LRRC8A: variants seen among roughly 807,000 people sequenced by gnomAD.
LRRC8A encodes the protein leucine rich repeat containing 8 VRAC subunit A, also known as volume-regulated anion channel subunit LRRC8A.
In LRRC8A, 24 loss-of-function variants were observed where a neutral mutation model predicts 52.5. The ratio of observed to expected loss-of-function variants is 0.46; its 90% CI spans 0.33 to 0.64. The LOEUF (loss-of-function observed/expected upper bound fraction) is 0.64. Among genes scored for constraint, LRRC8A ranks in the 30% least tolerant of loss-of-function variants. The pLI is 0.02. For synonymous variants in LRRC8A, 492 were observed against 494.2 expected (o/e 1.00, Z 0.06); for missense variants, 677 against 1,094.7 (o/e 0.62, Z 5.38).
chr9:128,916,521 G>C lies in LRRC8A; in HGVS notation c.*150G>C. On this transcript the variant is annotated 3_prime_UTR_variant, in exon 4 of 4. Coordinates refer to ENST00000372600, the MANE Select transcript of LRRC8A (RefSeq NM_019594.4). The surrounding 1 kb of genome is among the most constrained non-coding windows in gnomAD (Gnocchi z 6.1). ...GGGGCCGCTTGTGAGTCAGGCCAGAGCGAGAGGACAGTATCTGTGGGGCTG... is the reference window on the plus strand; with the variant it reads ...GGGGCCGCTTGTGAGTCAGGCCAGACCGAGAGGACAGTATCTGTGGGGCTG... The C allele has an allele frequency of 1.0e-6, 1 of 969,178 alleles. No individual in the cohort carries two copies. Among genetic ancestry groups the C allele is most frequent in the Non-Finnish European group, 1.5e-6 (1 of 673,748 alleles). The allele number at this position is 969,178 out of a possible 1,614,324, so 60.0% of individuals were successfully genotyped here.
rs754407509 is a variant in LRRC8A at position 128,907,791 on chromosome 9, G to A, written c.627G>A (p.Val209=). The change falls in exon 3 of 4, where the codon GTG becomes GTA. Residue 209 remains valine, a synonymous_variant. Coordinates refer to ENST00000372600, the MANE Select transcript of LRRC8A (RefSeq NM_019594.4). The surrounding 1 kb of genome is among the most constrained non-coding windows in gnomAD (Gnocchi z 9.3). ...STVSEDVEAT[V]PMLQRTKSRI... is the part of the protein sequence containing the mutation. The stretch of plus-strand genomic sequence containing the variant: ...TCAGTGAGGACGTGGAGGCCACCGT[G>A]CCCATGCTGCAGCGGACCAAGTCAC... The A allele has an allele frequency of 1.2e-6, 2 of 1,613,976 alleles. No individual in the cohort carries two copies. The highest frequency in any genetic ancestry group is 1.7e-6 in the Non-Finnish European group (2 of 1,179,970).
chr9:128,908,127 G>T lies in LRRC8A; in HGVS notation c.963G>T (p.Leu321=). 6.2e-7 allele frequency: 1 copy of T among 1,613,952 alleles called. No individual in the cohort carries two copies. Among genetic ancestry groups the T allele is most frequent in the Non-Finnish European group, 8.5e-7 (1 of 1,180,026 alleles). Residue 321 remains leucine, a synonymous_variant, in exon 3 of 4, where the codon CTG becomes CTT. Transcript: ENST00000372600. ...CCCTGGCCACACTCTTCAAGATCCT[G>T]GCGTCCTTCTACATCAGCCTAGTCA... ...AHPLATLFKI[L]ASFYISLVIF... is the part of the protein sequence containing the mutation.
chr9:128,908,584 C>T lies in LRRC8A; in HGVS notation c.1420C>T (p.Leu474=). The part of the protein sequence containing the change: ...SIAQLTGLKE[L]WLYHTAAKIE... ...TGCCCAGCTCACGGGCCTCAAGGAG[C>T]TGTGGCTCTACCACACAGCGGCCAA... The change falls in exon 3 of 4, where the codon CTG becomes TTG. Residue 474 remains leucine (L), a synonymous_variant. Coordinates refer to ENST00000372600, the MANE Select transcript of LRRC8A (RefSeq NM_019594.4). The T allele has an allele frequency of 6.2e-7, 1 of 1,612,840 alleles. No individual in the cohort carries two copies. The highest frequency in any genetic ancestry group is 8.5e-7 in the Non-Finnish European group (1 of 1,179,998).
intron 3 of LRRC8A, among the ~76,000 whole-genome samples, chr9:128,912,975 A>G (rs16930763): frequency 0.013 from 1,915 of 152,248 alleles, 29 homozygotes; most frequent in African/African-American, 0.041. Flanking sequence ...GGTGTGTCTC[A>G]TGTCAGGTGT....
intron 1 of LRRC8A, chr9:128,882,730 G>C (rs1839133465): frequency 2.5e-6 from 1 of 398,742 alleles, no homozygotes; most frequent in Non-Finnish European, 4.4e-6. Context: ...TTCCGATGGG[G>C]GCAGTGCCCT....
At chr9:128,904,164 T>G (rs962052957) in intron 2 of LRRC8A, among the ~76,000 whole-genome samples, 1 of 152,132 alleles carries the variant, frequency 6.6e-6, no homozygotes, top group African/African-American at 2.4e-5. Context: ...ATTTAAAACT[T>G]GGTTTAGATA....
Position 128,899,897 on chromosome 9 carries a change from C to T in LRRC8A, c.-8-7260C>T, listed in dbSNP as rs1476166886. ...GGGTAAGATGGTACATTTTCAGTTA[C>T]ATGTGTTTTATGACAGTCTAAAAAA... is the stretch of plus-strand genomic sequence containing the variant. On this transcript the variant is annotated intron_variant, in intron 2 of 3. Coordinates refer to ENST00000372600, the MANE Select transcript of LRRC8A (RefSeq NM_019594.4). The surrounding 1 kb of genome is among the most constrained non-coding windows in gnomAD (Gnocchi z 4.0). Among the ~76,000 whole-genome samples the T allele has an allele frequency of 6.6e-6, 1 of 152,198 alleles. No individual in the cohort carries two copies.
At chr9:128,882,801 A>T (rs920616274) in intron 1 of LRRC8A, 2 of 398,582 alleles carry the variant, frequency 5.0e-6, no homozygotes, top group Admixed American at 4.4e-5. Flanking sequence ...GATATTTGGG[A>T]AGACCGGTCC....
intron 3 of LRRC8A, among the ~76,000 whole-genome samples, chr9:128,913,189 C>T (rs549112334): frequency 1.1e-4 from 17 of 152,068 alleles, no homozygotes; most frequent in African/African-American, 3.6e-4. Flanking sequence ...GGATTAGGAA[C>T]TGGTGACTTT....
chr9:128,909,308 T>C lies in LRRC8A; in HGVS notation c.2144T>C (p.Ile715Thr), dbSNP rs1840395487. 6.2e-7 allele frequency: 1 copy of C among 1,612,918 alleles called. No individual in the cohort carries two copies. The highest frequency in any genetic ancestry group is 1.1e-5 in the South Asian group (1 of 91,084). The change falls in exon 3 of 4, where the codon ATC becomes ACC. Residue 715 changes from isoleucine to threonine, a missense_variant. Transcript: ENST00000372600. ...CTGCAGAACCTCCAGAACCTAGCCA[T>C]CACGGCCAACCGGGTGAGTGGCCCG... ...GLLQNLQNLA[I>T]TANRIETLPP...
At position 128,911,725 on chromosome 9, in the gene LRRC8A, G is replaced by A. The variant is rs1840541704; in HGVS notation, c.2157+2404G>A. ...AGGTCACCCCTCAGGAAAGGAGCTGGCGGCAAGCACGCTGTCCCAGAGGAA... is the reference window on the plus strand; with the variant it reads ...AGGTCACCCCTCAGGAAAGGAGCTGACGGCAAGCACGCTGTCCCAGAGGAA... On this transcript the variant is annotated intron_variant, in intron 3 of 3. Coordinates refer to ENST00000372600, the MANE Select transcript of LRRC8A (RefSeq NM_019594.4). The surrounding 1 kb of genome is among the most constrained non-coding windows in gnomAD (Gnocchi z 4.9). Among the ~76,000 whole-genome samples, 1 of 152,238 alleles carries A rather than the reference G, an allele frequency of 6.6e-6. No homozygotes were observed. The highest frequency in any genetic ancestry group is 1.5e-5 in the Non-Finnish European group (1 of 68,038).
At chr9:128,888,161 A>T (rs899613450) in intron 2 of LRRC8A, among the ~76,000 whole-genome samples, 1 of 152,142 alleles carries the variant, frequency 6.6e-6, no homozygotes, top group African/African-American at 2.4e-5. Context: ...GCTCTGCCCC[A>T]TAGGAGTTTC....
intron 3 of LRRC8A, among the ~76,000 whole-genome samples, chr9:128,913,599 G>A (rs1394729528): frequency 1.3e-5 from 2 of 152,322 alleles, no homozygotes; most frequent in Non-Finnish European, 2.9e-5. Context: ...AGCAGGGCAT[G>A]TTCTGGGGAG....
intron 2 of LRRC8A, among the ~76,000 whole-genome samples, chr9:128,905,916 C>T (rs930698066): frequency 1.2e-4 from 19 of 152,212 alleles, no homozygotes; most frequent in Non-Finnish European, 1.8e-4. Context: ...GGAGAGCCTG[C>T]TGTTGCTGCT....
At chr9:128,913,138 G>A (rs1457033942) in intron 3 of LRRC8A, among the ~76,000 whole-genome samples, 4 of 152,136 alleles carry the variant, frequency 2.6e-5, no homozygotes, top group Admixed American at 6.6e-5. Context: ...AGAGGAGGGC[G>A]AGGCCAGAGC....
At chr9:128,900,959 G>A (rs1358910603) in intron 2 of LRRC8A, among the ~76,000 whole-genome samples, 1 of 152,076 alleles carries the variant, frequency 6.6e-6, no homozygotes, top group African/African-American at 2.4e-5. Context: ...CAGATCATGA[G>A]GTCAGGAGCT....
intron 2 of LRRC8A, among the ~76,000 whole-genome samples, chr9:128,903,862 T>C (rs953386321): frequency 6.6e-6 from 1 of 152,078 alleles, no homozygotes; most frequent in Non-Finnish European, 1.5e-5. Context: ...ACACCGTCTC[T>C]ACTAAAAATA....
intron 3 of LRRC8A, among the ~76,000 whole-genome samples, chr9:128,914,967 G>C (rs1345023895): frequency 4.6e-5 from 7 of 152,182 alleles, no homozygotes; most frequent in Non-Finnish European, 1.0e-4. Flanking sequence ...GTTGAACCGG[G>C]TTCAAATCCT....
intron 2 of LRRC8A, among the ~76,000 whole-genome samples, chr9:128,905,065 T>C (rs1840191001): frequency 6.7e-6 from 1 of 149,046 alleles, no homozygotes; most frequent in African/African-American, 2.5e-5. Flanking sequence ...CCCAGCTACC[T>C]GGGGGAGGCT....
Sources: allele counts gnomAD v4.1 joint callset (sites outside exome capture counted in the v4.1 genomes callset), GRCh38; gene constraint gnomAD v4.1.1; non-coding constraint Gnocchi (gnomAD v3.1); transcripts MANE v1.5; gene names NCBI Gene and HGNC (gene_info 2026-07-23, HGNC 2026-07-21).